Variants in SMARCA4 observed in about 807,000 individuals in gnomAD.
SMARCA4 encodes SWI/SNF related BAF chromatin remodeling complex subunit ATPase 4, also known as SWI/SNF-related matrix-associated actin-dependent regulator of chromatin subfamily A member 4.
A neutral mutation model predicts 193.9 loss-of-function variants in SMARCA4; 31 were observed. The ratio of observed to expected loss-of-function variants is 0.16; its 90% CI spans 0.12 to 0.22. The LOEUF is 0.22. Ranked by LOEUF, SMARCA4 falls within the 10% of genes least tolerant of loss-of-function variation. The pLI, the probability that SMARCA4 is intolerant of heterozygous loss-of-function variation, is 1.00. For synonymous variants in SMARCA4, 942 were observed against 933.1 expected (o/e 1.01, Z -0.17); for missense variants, 1,148 against 2,296.0 (o/e 0.50, Z 10.22).
intron 1 of SMARCA4, among the ~76,000 whole-genome samples, chr19:10,966,174 G>A (rs1281673826): frequency 6.6e-6 from 1 of 151,852 alleles, no homozygotes; most frequent in Admixed American, 6.6e-5. Context: ...AGTAGAAACG[G>A]GGTTTCACCA....
At chr19:10,981,788 A>C (rs748230536) in intron 1 of SMARCA4, among the ~76,000 whole-genome samples, 4 of 152,082 alleles carry the variant, frequency 2.6e-5, no homozygotes, top group Admixed American at 6.6e-5. Context: ...GTTTGAGACC[A>C]GCCTGGGCAA....
chr19:11,001,604 A>C (rs1178587727), intron 11 of SMARCA4, among the ~76,000 whole-genome samples: 1 of 152,158 alleles, frequency 6.6e-6, no homozygotes, highest in Non-Finnish European at 1.5e-5. Context: ...TGTGGAGTTG[A>C]AAGTCCCTGA....
At chr19:10,991,480 T>G (rs2086558806) in intron 8 of SMARCA4, among the ~76,000 whole-genome samples, 157 bp downstream of exon 8, 1 of 152,246 alleles carries the variant, frequency 6.6e-6, no homozygotes, top group Non-Finnish European at 1.5e-5. Context: ...GAGAGTGTAT[T>G]GGTGTAAAAA....
At chr19:10,995,163 C>A in intron 9 of SMARCA4, 162 bp downstream of exon 9, 1 of 719,258 alleles carries the variant, frequency 1.4e-6, no homozygotes. Flanking sequence ...CAGTCCTGGG[C>A]TCGGATATTT....
rs747916992 is a variant in SMARCA4 at position 11,034,955 on chromosome 19, C to G, written c.3993C>G (p.Pro1331=). 6.3e-7 allele frequency: 1 copy of G among 1,594,752 alleles called. No individual in the cohort carries two copies. The highest frequency in any genetic ancestry group is 8.5e-7 in the Non-Finnish European group (1 of 1,172,042). ...LDRRREEARN[P]KRKPRLMEED... is the part of the protein sequence containing the mutation. ...GCAGGCGCGAGGAGGCCCGCAACCC[C>G]AAGCGGAAGCCGCGCCTCATGGAGG... Residue 1331 remains proline, a synonymous_variant, in exon 29 of 35, where the codon CCC becomes CCG. Transcript: ENST00000344626. This position sits in a 1 kb window ranked among gnomAD's most constrained non-coding sequence, Gnocchi z 7.0.
rs182028139 is a variant in SMARCA4, at chr19:11,018,845, C to T, written c.2439-112C>T. Reference sequence around the variant, plus strand: ...CCTAAACACAGTTTCTCTGCCCACTCGGAGGGCTGTGGCCATGTTGGCCTC... The same window carrying T: ...CCTAAACACAGTTTCTCTGCCCACTTGGAGGGCTGTGGCCATGTTGGCCTC... On this transcript the variant is annotated intron_variant, in intron 16 of 34. Coordinates refer to ENST00000344626, the MANE Select transcript of SMARCA4 (RefSeq NM_003072.5). The T allele has an allele frequency of 4.6e-4, 401 of 866,128 alleles. 5 individuals carry two copies. In the African/African-American group the frequency reaches 5.5e-3, roughly 12 times the overall value. 53.7% of individuals were successfully genotyped at this position (866,128 alleles called of 1,614,324 possible).
chr19:11,047,510 G>A (rs1423485109), intron 30 of SMARCA4: 1 of 151,858 alleles, frequency 6.6e-6, no homozygotes, highest in East Asian at 1.9e-4. Context: ...CTGGGTTGAA[G>A]TGATTCTTCT....
intron 1 of SMARCA4, among the ~76,000 whole-genome samples, chr19:10,965,988 T>G (rs2084187790): frequency 7.0e-6 from 1 of 142,292 alleles, no homozygotes; most frequent in African/African-American, 2.6e-5. Flanking sequence ...TTTTTTTTTT[T>G]TTTTTTTTTT....
intron 23 of SMARCA4, among the ~76,000 whole-genome samples, chr19:11,026,746 G>A (rs572668242): frequency 8.5e-5 from 13 of 152,156 alleles, no homozygotes; most frequent in African/African-American, 2.9e-4. Flanking sequence ...TGATCCACCC[G>A]CCTTGGCCTC....
rs766729484 is a variant in SMARCA4, at chr19:11,062,156, G to A, written c.*340G>A. ...TGTAGTTAAGTGTGGATGCATGTGC[G>A]TCACCGTCCACTCCTCCTACTGTAT... On this transcript the variant is annotated 3_prime_UTR_variant, in exon 35 of 35. Transcript: ENST00000344626. 1.8e-5 allele frequency: 8 copies of A among 439,158 alleles called. No homozygotes were observed. Among genetic ancestry groups the A allele is most frequent in the East Asian group, 7.8e-5 (2 of 25,572 alleles). 27.2% of individuals were successfully genotyped at this position (439,158 alleles called of 1,614,324 possible). A position where few individuals can be genotyped will look rare whatever the true frequency, so the allele number is the denominator to read the frequency against.
At chr19:10,981,634 A>G (rs2085559573) in intron 1 of SMARCA4, among the ~76,000 whole-genome samples, 1 of 152,198 alleles carries the variant, frequency 6.6e-6, no homozygotes, top group Non-Finnish European at 1.5e-5. Context: ...GCTGTTAGCC[A>G]TGAAAGTGGA....
chr19:11,014,867 C>T (rs1319013824), intron 16 of SMARCA4, among the ~76,000 whole-genome samples: 1 of 151,796 alleles, frequency 6.6e-6, no homozygotes, highest in African/African-American at 2.4e-5. Context: ...GCCTGGAGTG[C>T]AGTGGTGCCA....
intron 20 of SMARCA4, among the ~76,000 whole-genome samples, chr19:11,023,840 T>C (rs1245585210): frequency 6.6e-6 from 1 of 152,196 alleles, no homozygotes; most frequent in Non-Finnish European, 1.5e-5. Flanking sequence ...TAGCTCACAA[T>C]AGGTTAGAGC....
At chr19:10,962,687 C>A (rs1311565019) in intron 1 of SMARCA4, among the ~76,000 whole-genome samples, 1 of 152,068 alleles carries the variant, frequency 6.6e-6, no homozygotes, top group Non-Finnish European at 1.5e-5. Context: ...GGACTACAGG[C>A]GCCCGCCACC....
intron 16 of SMARCA4, among the ~76,000 whole-genome samples, chr19:11,015,079 C>A (rs1354882033): frequency 6.6e-6 from 1 of 152,174 alleles, no homozygotes; most frequent in African/African-American, 2.4e-5. Context: ...TCCCAAAGTG[C>A]TGGGATTACA....
In SMARCA4 at chr19:10,993,773, G is replaced by T. The variant is rs367574294; in HGVS notation, c.1420-1055G>T. Among the ~76,000 whole-genome samples the T allele has an allele frequency of 2.6e-5, 4 of 152,184 alleles. No individual in the cohort carries two copies. In the East Asian group the frequency reaches 7.8e-4, roughly 30 times the overall value. On this transcript the variant is annotated intron_variant, in intron 8 of 34. Transcript: ENST00000344626. ...CCATTCTTCTGCCTCGGCCTCCTGA[G>T]TAGCTGGGACTACAGGTGCCAGCCA...
Position 11,025,430 on chromosome 19 carries a change from C to T in SMARCA4, c.3090C>T (p.Gly1030=), listed in dbSNP as rs778603170. ...TCTCATCTGCCTTCCAGGGCAAAGG[C>T]GGCACCAAGACCCTGATGAACACCA... is the stretch of plus-strand genomic sequence containing the variant. The part of the protein sequence containing the change: ...DGSEKDKKGK[G]GTKTLMNTIM... The change falls in exon 22 of 35, where the codon GGC becomes GGT. Residue 1030 remains glycine, a synonymous_variant. Transcript: ENST00000344626. The T allele has an allele frequency of 1.6e-5, 25 of 1,612,606 alleles. No individual in the cohort carries two copies. Among genetic ancestry groups the T allele is most frequent in the Middle Eastern group, 1.7e-4 (1 of 6,060 alleles).
chr19:10,975,017 CTTTTTTTTTTT>C (rs760199710), intron 1 of SMARCA4, among the ~76,000 whole-genome samples: 3 of 101,088 alleles, frequency 3.0e-5, no homozygotes, highest in African/African-American at 8.0e-5. Context: ...TATAGTTATT[CTTTTTTTTTTT>C]TTTTTTTTTT....
intron 16 of SMARCA4, among the ~76,000 whole-genome samples, chr19:11,017,480 G>A (rs541480861): frequency 6.6e-6 from 1 of 152,372 alleles, no homozygotes; most frequent in East Asian, 1.9e-4. Context: ...GAGGGCCCGC[G>A]CGCTAGGAAA....
Sources: gnomAD v4.1 joint callset for allele counts (sites outside exome capture counted in the v4.1 genomes callset) on GRCh38, gnomAD v4.1.1 for gene constraint, Gnocchi (gnomAD v3.1) non-coding constraint, MANE v1.5 for transcripts, NCBI Gene and HGNC (gene_info 2026-07-23, HGNC 2026-07-21) for gene names.